Variants in PTPRJ observed in about 807,000 individuals in gnomAD.
The protein encoded by PTPRJ is receptor-type tyrosine-protein phosphatase eta.
A neutral mutation model predicts 141.3 loss-of-function variants in PTPRJ; 129 were observed. The observed-to-expected ratio is 0.91, with a 90% CI of 0.79 to 1.06. PTPRJ has a LOEUF of 1.06. Ranked by LOEUF, PTPRJ falls within the 50% of genes least tolerant of loss-of-function variation. The pLI is 0.00. For missense variants in PTPRJ, 1,601 were observed against 1,679.7 expected (o/e 0.95, Z 0.82); for synonymous variants, 610 against 640.5 (o/e 0.95, Z 0.72).
rs115883057 is a variant in PTPRJ at position 48,106,253 on chromosome 11, C to A, written c.97-3805C>A. Among the ~76,000 whole-genome samples the A allele has an allele frequency of 9.9e-3, 1,512 of 152,240 alleles. 22 individuals carry two copies. The highest frequency in any genetic ancestry group is 0.034 in the African/African-American group (1,427 of 41,514). Reference sequence around the variant, plus strand: ...TTATAGGTCGAGTCAGGGCGTTGCTCTAACAGAAGCAAAACCAAAAATACA... The same window carrying A: ...TTATAGGTCGAGTCAGGGCGTTGCTATAACAGAAGCAAAACCAAAAATACA... On this transcript the variant is annotated intron_variant, in intron 1 of 24. Transcript: ENST00000418331.
At chr11:47,988,987 C>G (rs1388073456) in intron 1 of PTPRJ, among the ~76,000 whole-genome samples, 1 of 147,202 alleles carries the variant, frequency 6.8e-6, no homozygotes. Context: ...AGGTTCATGC[C>G]ATTCTCCTGC....
chr11:48,038,202 A>G (rs1425031332), intron 1 of PTPRJ, among the ~76,000 whole-genome samples: 1 of 152,094 alleles, frequency 6.6e-6, no homozygotes, highest in African/African-American at 2.4e-5. Flanking sequence ...AGGCTCTCAC[A>G]TTGCCTTGCA....
intron 1 of PTPRJ, among the ~76,000 whole-genome samples, chr11:47,987,821 T>G (rs1203697222): frequency 6.6e-6 from 1 of 152,222 alleles, no homozygotes; most frequent in African/African-American, 2.4e-5. Flanking sequence ...AGTCATCCTA[T>G]TGTCTCAGAA....
chr11:48,057,102 C>T (rs1854774037), intron 1 of PTPRJ, among the ~76,000 whole-genome samples: 1 of 152,184 alleles, frequency 6.6e-6, no homozygotes, highest in Non-Finnish European at 1.5e-5. Flanking sequence ...GTGTGGCCTA[C>T]CGCAGAGTGA....
chr11:47,981,905 C>A (rs1461032940), intron 1 of PTPRJ, among the ~76,000 whole-genome samples: 1 of 152,196 alleles, frequency 6.6e-6, no homozygotes, highest in Non-Finnish European at 1.5e-5. Flanking sequence ...GCCTCTGGAG[C>A]CTGTTGGGGT....
At chr11:48,053,172 AATATATAAAT>A (rs1232034322) in intron 1 of PTPRJ, among the ~76,000 whole-genome samples, 23 of 107,886 alleles carry the variant, frequency 2.1e-4, no homozygotes, top group African/African-American at 4.8e-4. Context: ...TATATATAAA[AATATATAAAT>A]ATATATAAAA....
At chr11:48,031,744 TG>T (rs1458497328) in intron 1 of PTPRJ, among the ~76,000 whole-genome samples, 5 of 152,200 alleles carry the variant, frequency 3.3e-5, no homozygotes, top group Non-Finnish European at 5.9e-5. Flanking sequence ...GTGCCTCTCA[TG>T]GTGTGCTTAT....
chr11:47,984,999 C>T (rs978012651), intron 1 of PTPRJ, among the ~76,000 whole-genome samples: 6 of 151,738 alleles, frequency 4.0e-5, no homozygotes, highest in Admixed American at 3.3e-4. Flanking sequence ...ATTACAGGCA[C>T]GTGCCGCCAT....
At chr11:48,120,964 T>C in intron 3 of PTPRJ, 39 bp from the exon 4 acceptor site, 1 of 1,486,844 alleles carries the variant, frequency 6.7e-7, no homozygotes, top group Non-Finnish European at 9.0e-7. Context: ...CATTTCTTTT[T>C]GAAGTGCAAT....
intron 1 of PTPRJ, among the ~76,000 whole-genome samples, chr11:48,086,361 G>A (rs1482643599): frequency 1.3e-5 from 2 of 152,074 alleles, no homozygotes; most frequent in East Asian, 1.9e-4. Context: ...TAGTAGAGAC[G>A]GGGTTTCACC....
Position 48,139,591 on chromosome 11 carries a change from A to T in PTPRJ, c.2258A>T (p.Glu753Val), listed in dbSNP as rs1350425723. 6.2e-7 allele frequency: 1 copy of T among 1,614,248 alleles called. No homozygotes were observed. Among genetic ancestry groups the T allele is most frequent in the Admixed American group, 1.7e-5 (1 of 60,026 alleles). ...PPGANAGFELEVSSGAWNNAT... is the reference protein window; with the variant it reads ...PPGANAGFELVVSSGAWNNAT... Reference sequence around the variant, plus strand: ...GGCGCCAATGCAGGCTTTGAGCTGGAGGTCAGCAGTGGAGCCTGGAACAAT... The same window carrying T: ...GGCGCCAATGCAGGCTTTGAGCTGGTGGTCAGCAGTGGAGCCTGGAACAAT... Residue 753 changes from glutamate (E) to valine (V), a missense_variant, in exon 11 of 25, where the codon GAG becomes GTG. Glu to Val is a moderately radical substitution (Grantham distance 121, BLOSUM62 -2). Coordinates refer to ENST00000418331, the MANE Select transcript of PTPRJ (RefSeq NM_002843.4).
At chr11:48,080,206 C>T (rs906896915) in intron 1 of PTPRJ, among the ~76,000 whole-genome samples, 10 of 152,304 alleles carry the variant, frequency 6.6e-5, no homozygotes, top group African/African-American at 1.7e-4. Context: ...TTATCAAAGC[C>T]GGTTGGTACT....
At chr11:47,991,966 A>G (rs1854203880) in intron 1 of PTPRJ, among the ~76,000 whole-genome samples, 1 of 152,184 alleles carries the variant, frequency 6.6e-6, no homozygotes, top group Admixed American at 6.5e-5. Context: ...CAATTCAAAA[A>G]TTAAATTTTT....
chr11:47,986,760 C>T (rs1034817260), intron 1 of PTPRJ, among the ~76,000 whole-genome samples: 1 of 152,202 alleles, frequency 6.6e-6, no homozygotes, highest in Non-Finnish European at 1.5e-5. Context: ...AGGTGATCCA[C>T]CTGCCTTGGC....
At chr11:48,006,396 A>G (rs948774414) in intron 1 of PTPRJ, among the ~76,000 whole-genome samples, 5 of 152,120 alleles carry the variant, frequency 3.3e-5, no homozygotes, top group African/African-American at 1.2e-4. Flanking sequence ...GGGGAGGGAC[A>G]TGCAGCAGGT....
chr11:48,125,010 C>T lies in PTPRJ; in HGVS notation c.917C>T (p.Ala306Val). The T allele has an allele frequency of 6.2e-7, 1 of 1,614,114 alleles. No individual in the cohort carries two copies. The highest frequency in any genetic ancestry group is 1.1e-5 in the South Asian group (1 of 91,078). The change falls in exon 6 of 25, where the codon GCC becomes GTC. Residue 306 changes from alanine to valine, a missense_variant. Coordinates refer to ENST00000418331, the MANE Select transcript of PTPRJ (RefSeq NM_002843.4). ...AGAAGCCGGGCAGGGAGCCCCACCG[C>T]CCCTGTGCATGATGAGTCCCTCGTG... Reference protein sequence around the residue: ...TERSRAGSPTAPVHDESLVGP... With the variant: ...TERSRAGSPTVPVHDESLVGP...
At chr11:48,097,796 C>T (rs576672910) in intron 1 of PTPRJ, among the ~76,000 whole-genome samples, 2 of 152,136 alleles carry the variant, frequency 1.3e-5, no homozygotes, top group Non-Finnish European at 2.9e-5. Flanking sequence ...CCTCAGCCCC[C>T]CAAAGTGCTA....
chr11:48,163,518 G>A lies in PTPRJ; in HGVS notation c.3619G>A (p.Gly1207Ser), dbSNP rs1446837173. 9 of 1,613,790 alleles carry A rather than the reference G, an allele frequency of 5.6e-6. No homozygotes were observed. Among genetic ancestry groups the A allele is most frequent in the Non-Finnish European group, 6.8e-6 (8 of 1,179,850 alleles). The part of the protein sequence containing the change: ...QFHFTSWPDH[G>S]VPDTTDLLIN... ...CCATTTCACCTCCTGGCCAGACCAC[G>A]GTGTTCCCGACACCACTGACCTGCT... Residue 1207 changes from glycine (G) to serine (S), a missense_variant, in exon 23 of 25, where the codon GGT (glycine) becomes AGT (serine). Coordinates refer to ENST00000418331, the MANE Select transcript of PTPRJ (RefSeq NM_002843.4).
chr11:48,111,825 C>G (rs1374296138), intron 2 of PTPRJ, among the ~76,000 whole-genome samples: 1 of 152,098 alleles, frequency 6.6e-6, no homozygotes, highest in East Asian at 1.9e-4. Context: ...AGGACTTCAA[C>G]ATATGAATTT....
Sources: allele counts gnomAD v4.1 joint callset (sites outside exome capture counted in the v4.1 genomes callset), GRCh38; gene constraint gnomAD v4.1.1; transcripts MANE v1.5; gene names NCBI Gene and HGNC (gene_info 2026-07-23, HGNC 2026-07-21).